Variants in PSTPIP1 observed in about 807,000 individuals in gnomAD.
PSTPIP1 encodes the protein proline-serine-threonine phosphatase-interacting protein 1.
Under a neutral mutation model 69.6 loss-of-function variants are expected in PSTPIP1, and 66 were observed. The ratio of observed to expected loss-of-function variants is 0.95; its 90% CI spans 0.78 to 1.16. The LOEUF is 1.16. PSTPIP1 is among the 50% of genes most tolerant of loss of function. PSTPIP1 has a pLI of 0.00. For synonymous variants in PSTPIP1, 266 were observed against 222.7 expected (o/e 1.19, Z -1.73); for missense variants, 603 against 557.4 (o/e 1.08, Z -0.82).
At chr15:76,995,683 G>A (rs2075562221) in intron 1 of PSTPIP1, 74 bp downstream of exon 1, 1 of 1,608,276 alleles carries the variant, frequency 6.2e-7, no homozygotes, top group Non-Finnish European at 8.5e-7. Flanking sequence ...TGCAGGTGAT[G>A]GGATGCGGCT....
intron 3 of PSTPIP1, among the ~76,000 whole-genome samples, chr15:77,021,311 C>T (rs557414835): frequency 4.6e-5 from 7 of 152,178 alleles, no homozygotes; most frequent in Admixed American, 2.0e-4. Context: ...AGCAAACATC[C>T]GTGGGGCAGT....
rs200771233 is a variant in PSTPIP1 at position 77,037,076 on chromosome 15, A to G, written c.1151A>G (p.Asp384Gly). 1,073 of 1,612,240 alleles carry G rather than the reference A, an allele frequency of 6.7e-4. 6 individuals are homozygous for G. In the South Asian group the frequency reaches 7.4e-3, roughly 11 times the overall value. Residue 384 changes from aspartate to glycine, a missense_variant, in exon 15 of 15, where the codon GAC becomes GGC. Asp to Gly is a moderately conservative substitution (Grantham distance 94). Coordinates refer to ENST00000558012, the MANE Select transcript of PSTPIP1 (RefSeq NM_003978.5). ...NPDELDLSAGDILEVILEGED... is the reference protein window; with the variant it reads ...NPDELDLSAGGILEVILEGED... ...GATGAGCTGGACCTGTCCGCGGGAG[A>G]CATCCTGGAGGTGATCCTGGAAGGG...
chr15:77,032,447 A>G (rs1341585935), intron 11 of PSTPIP1, 53 bp downstream of exon 11: 1 of 1,583,456 alleles, frequency 6.3e-7, no homozygotes, highest in East Asian at 2.3e-5. Context: ...AGCCCCTGGG[A>G]AGGCCCGGCC....
intron 1 of PSTPIP1, among the ~76,000 whole-genome samples, chr15:77,009,824 T>A (rs923283825): frequency 6.6e-6 from 1 of 152,184 alleles, no homozygotes; most frequent in African/African-American, 2.4e-5. Context: ...CACGCCCCAC[T>A]GCCTGGACTC....
At chr15:77,032,707 C>G (rs2076450409) in intron 11 of PSTPIP1, 155 bp from the exon 12 acceptor site, 1 of 665,422 alleles carries the variant, frequency 1.5e-6, no homozygotes, top group African/African-American at 1.8e-5. Context: ...TTGATGGTAC[C>G]TACGGTGGGG....
chr15:77,031,153 T>C, intron 9 of PSTPIP1, 27 bp from the exon 10 acceptor site: 2 of 1,605,360 alleles, frequency 1.2e-6, no homozygotes, highest in Non-Finnish European at 1.7e-6. Context: ...GCCTCCTCAC[T>C]GCTCACCTCC....
intron 12 of PSTPIP1, among the ~76,000 whole-genome samples, chr15:77,035,144 C>T (rs1457585597): frequency 2.0e-5 from 3 of 152,218 alleles, no homozygotes; most frequent in African/African-American, 7.2e-5. Context: ...CATCTTCCCA[C>T]GAGGCCTCAG....
At position 77,035,910 on chromosome 15, in the gene PSTPIP1, G is replaced by C; in HGVS notation, c.1094G>C (p.Arg365Pro). 6.2e-7 allele frequency: 1 copy of C among 1,607,922 alleles called. No individual in the cohort carries two copies. The highest frequency in any genetic ancestry group is 2.2e-5 in the East Asian group (1 of 44,718). Reference protein sequence around the residue: ...GNPASPAQEYRALYDYTAQNP... With the variant: ...GNPASPAQEYPALYDYTAQNP... ...CCGGCCTCACCAGCCCAGGAGTACC[G>C]GGCGCTCTACGATTATACAGCGCAG... is the stretch of plus-strand genomic sequence containing the variant. The change falls in exon 14 of 15, where the codon CGG becomes CCG. Residue 365 changes from arginine to proline, a missense_variant. Transcript: ENST00000558012.
chr15:77,003,251 G>T (rs2075748004), intron 1 of PSTPIP1, among the ~76,000 whole-genome samples: 1 of 152,128 alleles, frequency 6.6e-6, no homozygotes, highest in South Asian at 2.1e-4. Context: ...GGGAACTTTG[G>T]GTGGAAACCA....
In PSTPIP1 at chr15:77,027,826, G is replaced by A. The variant is rs371414090; in HGVS notation, c.355-26G>A. The A allele has an allele frequency of 4.4e-5, 69 of 1,554,890 alleles. No homozygotes were observed. The African/African-American group carries it at 6.3e-4, about 14-fold the overall frequency. On this transcript the variant is annotated intron_variant, in intron 5 of 14. Transcript: ENST00000558012. This position sits in a 1 kb window ranked among gnomAD's most constrained non-coding sequence, Gnocchi z 4.3. ...GGAGCCTCCCGAGGCCGCGGCCCTC[G>A]GCTCAGAACCTCGTGTCCCCTGCAG...
At chr15:77,034,382 A>T (rs2076503445) in intron 12 of PSTPIP1, among the ~76,000 whole-genome samples, 1 of 151,880 alleles carries the variant, frequency 6.6e-6, no homozygotes. Flanking sequence ...GGGTCCACGC[A>T]TGTCCACCCT....
At position 77,029,568 on chromosome 15, in the gene PSTPIP1, G is replaced by C. The variant is rs769455506; in HGVS notation, c.556G>C (p.Glu186Gln). The C allele has an allele frequency of 1.3e-6, 2 of 1,580,610 alleles. No homozygotes were observed. Among genetic ancestry groups the C allele is most frequent in the Admixed American group, 3.6e-5 (2 of 55,120 alleles). ...KARQCKDSAT[E>Q]AERVYRQSIA... ...CAGGCAGTGCAAGGACTCGGCCACC[G>C]AGGCAGGTATGTGGGCCTGGCTGCC... is the stretch of plus-strand genomic sequence containing the variant. Residue 186 changes from glutamate (E) to glutamine (Q), a missense_variant, in exon 8 of 15, where the codon GAG becomes CAG. By Grantham distance (29) the Glu-to-Gln change is conservative. Coordinates refer to ENST00000558012, the MANE Select transcript of PSTPIP1 (RefSeq NM_003978.5).
intron 1 of PSTPIP1, among the ~76,000 whole-genome samples, chr15:77,016,421 G>T (rs1434147492): frequency 6.6e-6 from 1 of 152,054 alleles, no homozygotes; most frequent in Non-Finnish European, 1.5e-5. Flanking sequence ...GCTGCAAGCA[G>T]CTGCCCACCA....
chr15:77,017,090 A>C (rs991093429), intron 1 of PSTPIP1, among the ~76,000 whole-genome samples: 21 of 152,116 alleles, frequency 1.4e-4, no homozygotes, highest in Non-Finnish European at 1.5e-5. Flanking sequence ...TTGGTGACAA[A>C]AATCCTGTCT....
In PSTPIP1 at chr15:77,027,002, G is replaced by A. The variant is rs1046998124; in HGVS notation, c.355-850G>A. Among the ~76,000 whole-genome samples, 37 of 152,366 alleles carry A rather than the reference G, an allele frequency of 2.4e-4. No homozygotes were observed. The highest frequency in any genetic ancestry group is 3.4e-3 in the Middle Eastern group (1 of 294). Reference sequence around the variant, plus strand: ...TGTCTGAGCCTGTGTGTGTATGTGCGTGTGCCACAGAGCAAGGACATGTGC... The same window carrying A: ...TGTCTGAGCCTGTGTGTGTATGTGCATGTGCCACAGAGCAAGGACATGTGC... On this transcript the variant is annotated intron_variant, in intron 5 of 14. Transcript: ENST00000558012. This position sits in a 1 kb window ranked among gnomAD's most constrained non-coding sequence, Gnocchi z 4.3.
chr15:77,035,647 T>C (rs2076544503), intron 13 of PSTPIP1, 84 bp downstream of exon 13: 1 of 1,490,068 alleles, frequency 6.7e-7, no homozygotes, highest in South Asian at 1.2e-5. Flanking sequence ...ATGGGGCCAC[T>C]GAGGCCCTCA....
chr15:77,035,411 G>A (rs1033473639), intron 12 of PSTPIP1, 97 bp from the exon 13 acceptor site: 15 of 1,267,148 alleles, frequency 1.2e-5, no homozygotes, highest in African/African-American at 9.0e-5. Context: ...GGCAGAGCGC[G>A]TGCAGCTCTG....
intron 1 of PSTPIP1, among the ~76,000 whole-genome samples, chr15:77,005,675 G>T (rs377073641): frequency 6.6e-6 from 1 of 152,062 alleles, no homozygotes; most frequent in Non-Finnish European, 1.5e-5. Context: ...GTTCTACCTC[G>T]ATTCTACTTT....
chr15:77,034,057 T>G (rs2076491818), intron 12 of PSTPIP1, among the ~76,000 whole-genome samples: 1 of 151,766 alleles, frequency 6.6e-6, no homozygotes, highest in East Asian at 1.9e-4. Context: ...GAGAGAGATG[T>G]CCTGCAGGGC....
Sources: allele counts gnomAD v4.1 joint callset (sites outside exome capture counted in the v4.1 genomes callset), GRCh38; gene constraint gnomAD v4.1.1; non-coding constraint Gnocchi (gnomAD v3.1); transcripts MANE v1.5; gene names NCBI Gene and HGNC (gene_info 2026-07-23, HGNC 2026-07-21).